The following CACNB2 variants were observed in gnomAD, a reference collection of about 807,000 sequenced individuals.
The protein encoded by CACNB2 is calcium voltage-gated channel auxiliary subunit beta 2.
In CACNB2, 42 loss-of-function variants were observed where a neutral mutation model predicts 73.3. The ratio of observed to expected loss-of-function variants is 0.57; its 90% CI spans 0.45 to 0.74. The LOEUF (loss-of-function observed/expected upper bound fraction) is 0.74. Ranked by LOEUF, CACNB2 falls within the 30% of genes least tolerant of loss-of-function variation. The pLI is 0.00. For synonymous variants in CACNB2, 348 were observed against 310.3 expected, an observed-to-expected ratio of 1.12 and a Z score of -1.28; for missense variants, 940 against 853.0, an observed-to-expected ratio of 1.10 and a Z score of -1.27.
chr10:18,293,648 A>G (rs557998908), intron 2 of CACNB2, among the ~76,000 whole-genome samples: 1 of 152,354 alleles, frequency 6.6e-6, no homozygotes, highest in African/African-American at 2.4e-5. Flanking sequence ...ACTTATTTCA[A>G]GAGAGTCAGC....
At chr10:18,417,360 C>CTTTTTTTT (rs34847923) in intron 3 of CACNB2, among the ~76,000 whole-genome samples, 2 of 87,016 alleles carry the variant, frequency 2.3e-5, no homozygotes, top group African/African-American at 5.2e-5. Flanking sequence ...GCTAAAAATT[C>CTTTTTTTT]TTTTTTTTTT....
intron 2 of CACNB2, among the ~76,000 whole-genome samples, chr10:18,270,502 C>A (rs1468413539): frequency 1.3e-5 from 2 of 152,180 alleles, no homozygotes; most frequent in Admixed American, 1.3e-4. Context: ...TTAAAGCCCC[C>A]AGTTGGTTCC....
chr10:18,153,055 T>C (rs1008561427), intron 2 of CACNB2, among the ~76,000 whole-genome samples: 13 of 152,228 alleles, frequency 8.5e-5, no homozygotes, highest in African/African-American at 1.7e-4. Flanking sequence ...AATTTGTTTT[T>C]CTTCACGGTA....
intron 2 of CACNB2, among the ~76,000 whole-genome samples, chr10:18,398,722 T>G (rs533414093): frequency 6.6e-6 from 1 of 151,650 alleles, no homozygotes; most frequent in African/African-American, 2.4e-5. Flanking sequence ...CACAATTGTT[T>G]TTGTGTGAAA....
intron 2 of CACNB2, among the ~76,000 whole-genome samples, chr10:18,247,788 A>T (rs1198227938): frequency 6.6e-6 from 1 of 152,144 alleles, no homozygotes; most frequent in African/African-American, 2.4e-5. Context: ...CTTTTACTCC[A>T]TTACCTTCAT....
intron 2 of CACNB2, among the ~76,000 whole-genome samples, chr10:18,326,872 A>G (rs1428481147): frequency 1.3e-5 from 2 of 152,056 alleles, no homozygotes; most frequent in African/African-American, 2.4e-5. Flanking sequence ...GACTACAGGC[A>G]TGTGCCACCA....
chr10:18,200,391 A>G (rs1475748046), intron 2 of CACNB2, among the ~76,000 whole-genome samples: 2 of 152,044 alleles, frequency 1.3e-5, no homozygotes, highest in Non-Finnish European at 2.9e-5. Context: ...AATCTTTGGT[A>G]TATCTTATGA....
At chr10:18,216,579 G>C (rs747922385) in intron 2 of CACNB2, among the ~76,000 whole-genome samples, 1 of 126,322 alleles carries the variant, frequency 7.9e-6, no homozygotes, top group Non-Finnish European at 1.8e-5. Flanking sequence ...TAGACACTTA[G>C]TTTTTGTAAA....
At chr10:18,308,856 A>G (rs1022754141) in intron 2 of CACNB2, among the ~76,000 whole-genome samples, 5 of 152,320 alleles carry the variant, frequency 3.3e-5, no homozygotes, top group Non-Finnish European at 7.3e-5. Context: ...TTTTGTATCA[A>G]ATGTCATCAG....
At chr10:18,446,058 A>G (rs908634242) in intron 3 of CACNB2, among the ~76,000 whole-genome samples, 1 of 152,160 alleles carries the variant, frequency 6.6e-6, no homozygotes, top group East Asian at 1.9e-4. Flanking sequence ...GTGGGATTGT[A>G]GCTGAGCCTT....
At chr10:18,300,709 C>A (rs572918703) in intron 2 of CACNB2, among the ~76,000 whole-genome samples, 1 of 152,158 alleles carries the variant, frequency 6.6e-6, no homozygotes, top group South Asian at 2.1e-4. Context: ...ATTAGCCGTG[C>A]ATGGTGGTGG....
intron 2 of CACNB2, among the ~76,000 whole-genome samples, chr10:18,173,947 C>T (rs2033417324): frequency 6.6e-6 from 1 of 152,140 alleles, no homozygotes; most frequent in African/African-American, 2.4e-5. Context: ...TGGTGAGTCT[C>T]AGATGGCCTT....
chr10:18,232,157 A>T (rs1416553317), intron 2 of CACNB2, among the ~76,000 whole-genome samples: 2 of 152,204 alleles, frequency 1.3e-5, no homozygotes, highest in African/African-American at 4.8e-5. Context: ...AAATATTTAA[A>T]ACCATAGTGA....
chr10:18,281,285 G>T (rs1354912779), intron 2 of CACNB2, among the ~76,000 whole-genome samples: 2 of 152,126 alleles, frequency 1.3e-5, no homozygotes, highest in African/African-American at 2.4e-5. Flanking sequence ...ACAAAAAGAG[G>T]TCACACTCAA....
intron 3 of CACNB2, among the ~76,000 whole-genome samples, chr10:18,418,597 G>A (rs569942309): frequency 2.1e-4 from 32 of 152,322 alleles, no homozygotes; most frequent in African/African-American, 7.7e-4. Context: ...CCCAGCGGCC[G>A]TACTTCAACC....
At chr10:18,287,676 C>T (rs1022673530) in intron 2 of CACNB2, among the ~76,000 whole-genome samples, 1 of 152,128 alleles carries the variant, frequency 6.6e-6, no homozygotes, top group South Asian at 2.1e-4. Flanking sequence ...CATAACAAAA[C>T]CCCATTCCTA....
chr10:18,399,541 GGGA>G (rs1419900469), intron 2 of CACNB2, among the ~76,000 whole-genome samples: 2 of 152,000 alleles, frequency 1.3e-5, no homozygotes, highest in Non-Finnish European at 2.9e-5. Context: ...AAGGGTAGAA[GGGA>G]GGAGGAGGGA....
chr10:18,232,993 G>C (rs1012240836), intron 2 of CACNB2, among the ~76,000 whole-genome samples: 1 of 152,140 alleles, frequency 6.6e-6, no homozygotes, highest in Non-Finnish European at 1.5e-5. Context: ...AGGCTGAAGC[G>C]GGAGGATCTC....
At chr10:18,212,810 G>A (rs2035371073) in intron 2 of CACNB2, among the ~76,000 whole-genome samples, 1 of 152,128 alleles carries the variant, frequency 6.6e-6, no homozygotes, top group African/African-American at 2.4e-5. Flanking sequence ...CGTAAAACCT[G>A]GAATCCCCCC....
Sources: allele counts gnomAD v4.1 joint callset (sites outside exome capture counted in the v4.1 genomes callset), GRCh38; gene constraint gnomAD v4.1.1; transcripts MANE v1.5; gene names NCBI Gene and HGNC (gene_info 2026-07-23, HGNC 2026-07-21).